The following COL21A1 variants were observed in gnomAD, a reference collection of about 807,000 sequenced individuals.
COL21A1 encodes collagen alpha-1(XXI) chain.
Under a neutral mutation model 137.9 loss-of-function variants are expected in COL21A1, and 149 were observed. That is an observed-to-expected ratio of 1.08 (90% CI 0.95 to 1.24). The LOEUF (loss-of-function observed/expected upper bound fraction) is 1.24, where lower values mean the gene tolerates loss of function less well. Ranked by LOEUF, COL21A1 falls within the 50% of genes most tolerant of loss-of-function variation. COL21A1 has a pLI of 0.00. For synonymous variants in COL21A1, 456 were observed against 391.5 expected, an observed-to-expected ratio of 1.16 and a Z score of -1.95; for missense variants, 1,167 against 1,158.4, an observed-to-expected ratio of 1.01 and a Z score of -0.11.
At chr6:56,287,490 G>A (rs1763943680) in intron 1 of COL21A1, among the ~76,000 whole-genome samples, 1 of 152,068 alleles carries the variant, frequency 6.6e-6, no homozygotes, top group Admixed American at 6.6e-5. Flanking sequence ...GTTCTCATGA[G>A]ATCTGGTTAT....
At chr6:56,158,253 C>CTTTTTTTTTTTTTTTT (rs59381031) in intron 9 of COL21A1, among the ~76,000 whole-genome samples, 2 of 104,906 alleles carry the variant, frequency 1.9e-5, no homozygotes, top group African/African-American at 3.7e-5. Flanking sequence ...TGGGTTTTTT[C>CTTTTTTTTTTTTTTTT]TTTTTTTTTT....
intron 1 of COL21A1, among the ~76,000 whole-genome samples, chr6:56,323,395 AT>A (rs1443943706): frequency 6.7e-6 from 1 of 148,354 alleles, no homozygotes; most frequent in Non-Finnish European, 1.5e-5. Flanking sequence ...TTGTTTGTTT[AT>A]TTGTTTGTTT....
At chr6:56,362,907 C>T (rs890149151) in intron 1 of COL21A1, among the ~76,000 whole-genome samples, 18 of 152,232 alleles carry the variant, frequency 1.2e-4, no homozygotes, top group Middle Eastern at 3.4e-3. Flanking sequence ...CTACCCCCCA[C>T]GCCCACATTG....
chr6:56,148,338 C>CAGAGAGTGAGAGAGAGAGAGAG (rs1775003734), intron 10 of COL21A1, among the ~76,000 whole-genome samples: 1 of 133,176 alleles, frequency 7.5e-6, no homozygotes, highest in African/African-American at 2.9e-5. Flanking sequence ...AGACAAGAGA[C>CAGAGAGTGAGAGAGAGAGAGAG]AGAGAGAGAG....
In COL21A1 at chr6:56,102,519, C is replaced by T. The variant is rs187119447; in HGVS notation, c.1759-994G>A. ...GAGGTAAAATAAAAGCATTTTTTCC[C>T]GTAAATGTCTCAAATACCTGAGTTG... On this transcript the variant is annotated intron_variant, in intron 16 of 29. Coordinates refer to ENST00000244728, the MANE Select transcript of COL21A1 (RefSeq NM_030820.4). 1.2e-3 allele frequency among the ~76,000 whole-genome samples: 186 copies of T among 152,086 alleles called. 2 individuals are homozygous for T. Among genetic ancestry groups the T allele is most frequent in the Non-Finnish European group, 1.3e-4 (9 of 67,972 alleles).
intron 1 of COL21A1, among the ~76,000 whole-genome samples, chr6:56,258,186 TA>T (rs1420820708): frequency 6.6e-6 from 1 of 152,204 alleles, no homozygotes; most frequent in African/African-American, 2.4e-5. Flanking sequence ...CATTCACATG[TA>T]TTTTTAGCAA....
chr6:56,269,292 C>G (rs1352518537), intron 1 of COL21A1, among the ~76,000 whole-genome samples: 1 of 152,066 alleles, frequency 6.6e-6, no homozygotes, highest in East Asian at 1.9e-4. Flanking sequence ...ATAACTGTCC[C>G]CAAGACACAT....
chr6:56,345,221 T>G (rs1765568787), intron 1 of COL21A1, among the ~76,000 whole-genome samples: 1 of 152,042 alleles, frequency 6.6e-6, no homozygotes, highest in African/African-American at 2.4e-5. Flanking sequence ...TAGGAAACAT[T>G]TGAGTTAGGA....
intron 1 of COL21A1, chr6:56,231,268 C>A (rs1371013595): frequency 6.6e-6 from 1 of 151,778 alleles, no homozygotes; most frequent in Admixed American, 6.6e-5. Flanking sequence ...GATTTCTTAC[C>A]ATATAAAAGG....
At chr6:56,266,645 T>G (rs1240874136) in intron 1 of COL21A1, among the ~76,000 whole-genome samples, 2 of 152,226 alleles carry the variant, frequency 1.3e-5, no homozygotes, top group South Asian at 4.1e-4. Context: ...CCTTTTCTGG[T>G]AAGATTAATT....
At chr6:56,341,144 A>G (rs1449938878) in intron 1 of COL21A1, among the ~76,000 whole-genome samples, 1 of 152,210 alleles carries the variant, frequency 6.6e-6, no homozygotes, top group Non-Finnish European at 1.5e-5. Context: ...TCCATGCTCC[A>G]GAAGAGAAGA....
At chr6:56,112,691 T>C (rs1771553304) in intron 16 of COL21A1, among the ~76,000 whole-genome samples, 1 of 148,828 alleles carries the variant, frequency 6.7e-6, no homozygotes, top group Admixed American at 6.7e-5. Context: ...TTTTTTCTTT[T>C]TTTTTTTTTT....
intron 1 of COL21A1, among the ~76,000 whole-genome samples, chr6:56,225,174 T>G (rs564663121): frequency 6.6e-6 from 1 of 152,046 alleles, no homozygotes; most frequent in East Asian, 1.9e-4. Context: ...CTTAAAACAT[T>G]TCATTTTCCT....
intron 1 of COL21A1, among the ~76,000 whole-genome samples, chr6:56,328,929 T>C (rs908050916): frequency 6.6e-6 from 1 of 152,090 alleles, no homozygotes; most frequent in South Asian, 2.1e-4. Flanking sequence ...GGCTCCTGCG[T>C]CATCTGGACA....
chr6:56,344,722 T>C (rs1765552183), intron 1 of COL21A1, among the ~76,000 whole-genome samples: 1 of 152,044 alleles, frequency 6.6e-6, no homozygotes, highest in Admixed American at 6.6e-5. Context: ...GGGGCAGATT[T>C]CCCCCTTGCT....
intron 16 of COL21A1, among the ~76,000 whole-genome samples, chr6:56,114,815 A>AT (rs1771769916): frequency 6.8e-6 from 1 of 147,550 alleles, no homozygotes; most frequent in Admixed American, 6.8e-5. Flanking sequence ...CAGCCATCCC[A>AT]TTACTGGGTA....
chr6:56,198,942 C>A (rs1042575876), intron 1 of COL21A1, among the ~76,000 whole-genome samples: 1 of 151,926 alleles, frequency 6.6e-6, no homozygotes, highest in African/African-American at 2.4e-5. Context: ...TTTTTATTAA[C>A]TGAAAGGGGC....
At position 56,325,649 on chromosome 6, in the gene COL21A1, A is replaced by T. The variant is rs186123904; in HGVS notation, c.-39+68322T>A. On this transcript the variant is annotated intron_variant, in intron 1 of 28. Coordinates refer to the COL21A1 transcript ENST00000370819. ...TCTATTATATATAATATATAATATAATATATTATATATTAAATATATTATA... is the reference window on the plus strand; with the variant it reads ...TCTATTATATATAATATATAATATATTATATTATATATTAAATATATTATA... 9.3e-3 allele frequency among the ~76,000 whole-genome samples: 2 copies of T among 216 alleles called. 1 individual carries two copies. Among genetic ancestry groups the T allele is most frequent in the East Asian group, 1 (2 of 2 alleles). The allele number at this position is 216 out of a possible 152,430, so 0.1% of individuals were successfully genotyped here. A position where few individuals can be genotyped will look rare whatever the true frequency, so the allele number is the denominator to read the frequency against.
At chr6:56,170,416 C>G (rs1376681375) in intron 5 of COL21A1, among the ~76,000 whole-genome samples, 1 of 151,844 alleles carries the variant, frequency 6.6e-6, no homozygotes, top group Non-Finnish European at 1.5e-5. Flanking sequence ...TGCCTGGTAC[C>G]TAGTAGTAGG....
Sources: allele counts gnomAD v4.1 joint callset (sites outside exome capture counted in the v4.1 genomes callset), GRCh38; gene constraint gnomAD v4.1.1; transcripts MANE v1.5; gene names NCBI Gene and HGNC (gene_info 2026-07-23, HGNC 2026-07-21).